CCNK: variants seen among roughly 807,000 people sequenced by gnomAD.
The protein encoded by CCNK is cyclin K.
In CCNK, 9 loss-of-function variants were observed where a neutral mutation model predicts 65.0. The ratio of observed to expected loss-of-function variants is 0.14; its 90% CI spans 0.08 to 0.24. The LOEUF (loss-of-function observed/expected upper bound fraction) is 0.24. Among genes scored for constraint, CCNK ranks in the 10% least tolerant of loss-of-function variants. The probability of loss-of-function intolerance (pLI) is 1.00; values close to 1 mark genes in which losing one functional copy is unlikely to be tolerated. For missense variants in CCNK, 474 were observed against 720.0 expected (o/e 0.66, Z 3.91); for synonymous variants, 279 against 270.8 (o/e 1.03, Z -0.30).
At chr14:99,506,122 T>C (rs3918104) in intron 9 of CCNK, 1 of 152,310 alleles carries the variant, frequency 6.6e-6, no homozygotes, top group African/African-American at 2.4e-5. Context: ...TTTGTAGTTG[T>C]CCACTTAGAG....
chr14:99,495,506 A>T lies in CCNK; in HGVS notation c.288A>T (p.Gly96=). 6.2e-7 allele frequency: 1 copy of T among 1,611,398 alleles called. No homozygotes were observed. The highest frequency in any genetic ancestry group is 8.5e-7 in the Non-Finnish European group (1 of 1,179,036). Residue 96 remains glycine, a synonymous_variant, in exon 4 of 11, where the codon GGA becomes GGT. Transcript: ENST00000389879. ...TTTTGTTTCCCTTTTAGGTGACAGGAGCCTGTTGCCTCTTTCTGGCTGGGA... is the reference window on the plus strand; with the variant it reads ...TTTTGTTTCCCTTTTAGGTGACAGGTGCCTGTTGCCTCTTTCTGGCTGGGA... The part of the protein sequence containing the change: ...SFKQFPRYVT[G]ACCLFLAGKV...
intron 4 of CCNK, among the ~76,000 whole-genome samples, chr14:99,496,520 C>G (rs1029956296): frequency 6.6e-6 from 1 of 151,722 alleles, no homozygotes; most frequent in Non-Finnish European, 1.5e-5. Flanking sequence ...ACCATCCTGG[C>G]TAACATGGTG....
At chr14:99,501,543 T>C in intron 6 of CCNK, 130 bp downstream of exon 6, 1 of 650,880 alleles carries the variant, frequency 1.5e-6, no homozygotes. Flanking sequence ...AGCCAGTTAA[T>C]GGCAAAGCTG....
At position 99,488,341 on chromosome 14, in the gene CCNK, T is replaced by A. The variant is rs533019750; in HGVS notation, c.-52-4285T>A. ...CATTGCATTTTGTTGTAGCCCTCTT[T>A]AGCCTTTTTAAATCTAAGACAGTCT... On this transcript the variant is annotated intron_variant, in intron 1 of 10. Transcript: ENST00000389879. 3.3e-5 allele frequency among the ~76,000 whole-genome samples: 5 copies of A among 152,160 alleles called. No individual in the cohort carries two copies. The South Asian group carries it at 1.0e-3, about 32-fold the overall frequency.
At chr14:99,497,032 A>G (rs1348438679) in intron 4 of CCNK, among the ~76,000 whole-genome samples, 1 of 113,514 alleles carries the variant, frequency 8.8e-6, no homozygotes, top group Non-Finnish European at 1.8e-5. Flanking sequence ...AGCTTCCCCC[A>G]TTTTCAGCAT....
chr14:99,503,454 C>T (rs953176352), intron 8 of CCNK, 157 bp from the exon 9 acceptor site: 4 of 627,628 alleles, frequency 6.4e-6, no homozygotes, highest in Admixed American at 2.8e-5. Context: ...CTGGTAGGTG[C>T]CGTGGTTTGC....
chr14:99,505,152 CTA>C (rs1410481765), intron 9 of CCNK: 2 of 152,272 alleles, frequency 1.3e-5, no homozygotes, highest in African/African-American at 4.8e-5. Context: ...ATGGCAGAGT[CTA>C]AATTCATTTG....
At chr14:99,495,824 T>C (rs1896689012) in intron 4 of CCNK, among the ~76,000 whole-genome samples, 195 bp downstream of exon 4, 1 of 152,196 alleles carries the variant, frequency 6.6e-6, no homozygotes, top group East Asian at 1.9e-4. Context: ...TACTCAGTGC[T>C]TCCTTATGTG....
rs1477901220 is a variant in CCNK at position 99,511,382 on chromosome 14, A to ACAT, written c.*602_*604dup. The ACAT allele has an allele frequency of 6.6e-6, 1 of 152,328 alleles. No homozygotes were observed. Among genetic ancestry groups the ACAT allele is most frequent in the African/African-American group, 2.4e-5 (1 of 41,422 alleles). 9.4% of individuals were successfully genotyped at this position (152,328 alleles called of 1,614,324 possible). A position where few individuals can be genotyped will look rare whatever the true frequency, so the allele number is the denominator to read the frequency against. ...TGTACTTGGAAATTAATGTATGTTTACATCTCTTTGCAAATTCCTGTACAT... is the reference window on the plus strand; with the variant it reads ...TGTACTTGGAAATTAATGTATGTTTACATCATCTCTTTGCAAATTCCTGTACAT... On this transcript the variant is annotated 3_prime_UTR_variant, in exon 11 of 11. Coordinates refer to ENST00000389879, the MANE Select transcript of CCNK (RefSeq NM_001099402.2).
At chr14:99,496,558 AAATT>A (rs1896705611) in intron 4 of CCNK, among the ~76,000 whole-genome samples, 1 of 151,870 alleles carries the variant, frequency 6.6e-6, no homozygotes, top group Non-Finnish European at 1.5e-5. Context: ...AAAATACAAA[AAATT>A]AACCGGGCGT....
At chr14:99,489,328 T>TACA (rs1420216754) in intron 1 of CCNK, among the ~76,000 whole-genome samples, 4 of 152,198 alleles carry the variant, frequency 2.6e-5, no homozygotes. Context: ...GTTTGAAAAT[T>TACA]ACAACATTAA....
intron 2 of CCNK, 41 bp from the exon 3 acceptor site, chr14:99,493,473 C>A: frequency 7.9e-7 from 1 of 1,267,098 alleles, no homozygotes; most frequent in Non-Finnish European, 1.1e-6. Flanking sequence ...AGAGTATAAC[C>A]TGTAAAAGTT....
At chr14:99,486,810 A>G (rs910836782) in intron 1 of CCNK, among the ~76,000 whole-genome samples, 3 of 151,750 alleles carry the variant, frequency 2.0e-5, no homozygotes, top group African/African-American at 7.3e-5. Context: ...TAATCTCCTA[A>G]CTCTTCCTCT....
At chr14:99,493,804 C>T (rs1175523640) in intron 3 of CCNK, among the ~76,000 whole-genome samples, 4 of 151,924 alleles carry the variant, frequency 2.6e-5, no homozygotes, top group African/African-American at 9.7e-5. Context: ...CAATATGGAC[C>T]ATAGTCATAT....
chr14:99,498,214 A>G (rs1047435608), intron 4 of CCNK, among the ~76,000 whole-genome samples: 1 of 152,282 alleles, frequency 6.6e-6, no homozygotes, highest in African/African-American at 2.4e-5. Flanking sequence ...CCACTGTACC[A>G]TGAAGTCAGG....
Position 99,501,348 on chromosome 14 carries a change from A to G in CCNK, c.518-8A>G. On this transcript the variant is annotated splice_polypyrimidine_tract_variant and splice_region_variant and intron_variant, in intron 5 of 10. Coordinates refer to ENST00000389879, the MANE Select transcript of CCNK (RefSeq NM_001099402.2). ...GCTATTAATTTACCTTTTTGTCCCCATTTCTAGGTGATAAAAACAAAATTC... is the reference window on the plus strand; with the variant it reads ...GCTATTAATTTACCTTTTTGTCCCCGTTTCTAGGTGATAAAAACAAAATTC... 1.3e-6 allele frequency: 2 copies of G among 1,586,912 alleles called. No homozygotes were observed. Among genetic ancestry groups the G allele is most frequent in the Non-Finnish European group, 1.7e-6 (2 of 1,157,246 alleles).
At chr14:99,500,612 ATG>A (rs767289274) in intron 4 of CCNK, 152 bp from the exon 5 acceptor site, 2 of 625,736 alleles carry the variant, frequency 3.2e-6, no homozygotes, top group Non-Finnish European at 5.7e-6. Context: ...GTCTCTGAGC[ATG>A]TTAAAAGTCT....
chr14:99,510,505 C>T lies in CCNK; in HGVS notation c.1466C>T (p.Pro489Leu). Reference protein sequence around the residue: ...PPNPPPPPVPPPPASFPPPAI... With the variant: ...PPNPPPPPVPLPPASFPPPAI... ...AACCCGCCCCCGCCACCTGTGCCTC[C>T]TCCCCCAGCCTCCTTCCCCCCACCT... The change falls in exon 11 of 11, where the codon CCT (proline) becomes CTT (leucine). Residue 489 changes from proline to leucine, a missense_variant. By Grantham distance (98) the Pro-to-Leu change is moderately conservative. Transcript: ENST00000389879. 1.3e-6 allele frequency: 1 copy of T among 762,448 alleles called. No individual in the cohort carries two copies. The highest frequency in any genetic ancestry group is 2.4e-5 in the African/African-American group (1 of 41,664). The allele number at this position is 762,448 out of a possible 1,614,324, so 47.2% of individuals were successfully genotyped here. A position where few individuals can be genotyped will look rare whatever the true frequency, so the allele number is the denominator to read the frequency against.
At chr14:99,504,067 C>T in intron 9 of CCNK, 1 of 383,388 alleles carries the variant, frequency 2.6e-6, no homozygotes, top group South Asian at 1.9e-5. Flanking sequence ...AGCCCAGCTG[C>T]CCTTGCAGGC....
Sources: allele counts gnomAD v4.1 joint callset (sites outside exome capture counted in the v4.1 genomes callset), GRCh38; gene constraint gnomAD v4.1.1; transcripts MANE v1.5; gene names NCBI Gene and HGNC (gene_info 2026-07-23, HGNC 2026-07-21).